FBN1: variants seen among roughly 807,000 people sequenced by gnomAD.
FBN1 encodes fibrillin-1.
A neutral mutation model predicts 365.1 loss-of-function variants in FBN1; 29 were observed. The observed-to-expected ratio is 0.08, with a 90% CI of 0.06 to 0.11. The LOEUF (loss-of-function observed/expected upper bound fraction) is 0.11, where lower values mean the gene tolerates loss of function less well. Among genes scored for constraint, FBN1 ranks in the 10% least tolerant of loss-of-function variants. FBN1 has a pLI of 1.00. For missense variants in FBN1, 2,476 were observed against 3,703.2 expected (o/e 0.67, Z 8.60); for synonymous variants, 1,210 against 1,270.5 (o/e 0.95, Z 1.01).
At position 48,488,405 on chromosome 15, in the gene FBN1, G is replaced by T; in HGVS notation, c.3171C>A (p.Ser1057Arg). The T allele has an allele frequency of 6.2e-7, 1 of 1,614,214 alleles. No individual in the cohort carries two copies. Among genetic ancestry groups the T allele is most frequent in the Non-Finnish European group, 8.5e-7 (1 of 1,180,044 alleles). Residue 1057 changes from serine (S) to arginine (R), a missense_variant, in exon 26 of 66, where the codon AGC becomes AGA. Physicochemically the swap from Ser to Arg is moderately radical, Grantham distance 110 (BLOSUM62 -1). Coordinates refer to ENST00000316623, the MANE Select transcript of FBN1 (RefSeq NM_000138.5). ...TIGSFKCRCD[S>R]GFALDSEERN... ...TTTCTTCAGAATCAAGAGCAAAGCC[G>T]CTGTCACACCTGCACTTAAAGCTGC...
chr15:48,603,291 G>T (rs1206275964), intron 4 of FBN1, among the ~76,000 whole-genome samples: 3 of 152,172 alleles, frequency 2.0e-5, no homozygotes, highest in Non-Finnish European at 2.9e-5. Context: ...AATCCTTGGG[G>T]GAAGCCAGGA....
intron 26 of FBN1, 63 bp downstream of exon 26, chr15:48,488,305 T>C (rs1321988804): frequency 1.2e-5 from 20 of 1,612,228 alleles, no homozygotes; most frequent in Non-Finnish European, 1.7e-5. Flanking sequence ...TGCGACAATA[T>C]GTTAAAGATA....
intron 6 of FBN1, among the ~76,000 whole-genome samples, chr15:48,580,629 T>C (rs565903036): frequency 1.3e-5 from 2 of 152,304 alleles, no homozygotes; most frequent in South Asian, 4.1e-4. Flanking sequence ...CCAGTGATGC[T>C]AGACTATGCC....
Position 48,445,517 on chromosome 15 carries a change from C to A in FBN1, c.5789-13G>T, listed in dbSNP as rs777593835. 2 of 1,610,894 alleles carry A rather than the reference C, an allele frequency of 1.2e-6. No homozygotes were observed. The highest frequency in any genetic ancestry group is 2.2e-5 in the South Asian group (2 of 91,020). On this transcript the variant is annotated splice_polypyrimidine_tract_variant and intron_variant, in intron 47 of 65. Coordinates refer to ENST00000316623, the MANE Select transcript of FBN1 (RefSeq NM_000138.5). ...CATTCATCAACATCTGCAGAAAAATCCCCAACAATCCTTTAATATATTCCA... is the reference window on the plus strand; with the variant it reads ...CATTCATCAACATCTGCAGAAAAATACCCAACAATCCTTTAATATATTCCA...
rs140630 is a variant in FBN1 at position 48,465,580 on chromosome 15, G to T, written c.4930C>A (p.Arg1644=). 3.1e-6 allele frequency: 5 copies of T among 1,614,062 alleles called. No individual in the cohort carries two copies. Among genetic ancestry groups the T allele is most frequent in the Non-Finnish European group, 4.2e-6 (5 of 1,179,956 alleles). The change falls in exon 40 of 66, where the codon CGA becomes AGA. Residue 1644 remains arginine (R), a synonymous_variant. Coordinates refer to ENST00000316623, the MANE Select transcript of FBN1 (RefSeq NM_000138.5). ...PTGYYLNEDT[R]VCDDVNECET... Reference sequence around the variant, plus strand: ...CAGGACCATTTACCATCACACACTCGTGTATCTTCATTCAGGTAGTAGCCG... The same window carrying T: ...CAGGACCATTTACCATCACACACTCTTGTATCTTCATTCAGGTAGTAGCCG...
intron 15 of FBN1, among the ~76,000 whole-genome samples, chr15:48,506,886 A>C (rs1435711085): frequency 6.6e-6 from 1 of 152,148 alleles, no homozygotes. Flanking sequence ...GCTAGAAAAA[A>C]ATAAGACATT....
At chr15:48,473,998 T>C (rs1440016463) in intron 34 of FBN1, among the ~76,000 whole-genome samples, 1 of 152,178 alleles carries the variant, frequency 6.6e-6, no homozygotes, top group East Asian at 1.9e-4. Context: ...CACAGATCAC[T>C]GTAAATGATG....
intron 6 of FBN1, among the ~76,000 whole-genome samples, chr15:48,577,169 G>A (rs1256172241): frequency 1.3e-5 from 2 of 152,048 alleles, no homozygotes. Context: ...GTCCAGCCAA[G>A]ATACAGAGAT....
At chr15:48,470,587 C>T (rs1486954472) in intron 36 of FBN1, 47 bp downstream of exon 36, 2 of 1,611,530 alleles carry the variant, frequency 1.2e-6, no homozygotes. Context: ...ATAGCTGGGT[C>T]CCCCGGGACA....
At chr15:48,622,865 C>G (rs554193062) in intron 2 of FBN1, among the ~76,000 whole-genome samples, 1 of 152,178 alleles carries the variant, frequency 6.6e-6, no homozygotes, top group Admixed American at 6.5e-5. Context: ...ATTTTTATAT[C>G]AGCTCTTCCA....
intron 44 of FBN1, among the ~76,000 whole-genome samples, chr15:48,453,898 T>C (rs971974505): frequency 1.3e-5 from 2 of 152,022 alleles, no homozygotes; most frequent in African/African-American, 2.4e-5. Flanking sequence ...CACTTAGTAA[T>C]ATTTATAAAT....
intron 63 of FBN1, among the ~76,000 whole-genome samples, chr15:48,420,221 C>A (rs1278491221): frequency 2.0e-5 from 3 of 152,008 alleles, no homozygotes; most frequent in Non-Finnish European, 2.9e-5. Flanking sequence ...ACAAAACACA[C>A]AAAAAAACAC....
intron 13 of FBN1, among the ~76,000 whole-genome samples, chr15:48,511,779 TC>T (rs1404740819): frequency 6.6e-6 from 1 of 152,206 alleles, no homozygotes; most frequent in African/African-American, 2.4e-5. Context: ...ATTCAGGTCA[TC>T]CTCAGTCTCC....
chr15:48,520,944 C>T, intron 9 of FBN1, 127 bp from the exon 10 acceptor site: 1 of 1,282,188 alleles, frequency 7.8e-7, no homozygotes, highest in Non-Finnish European at 1.1e-6. Flanking sequence ...ACCTCTGCCC[C>T]CCGGAAGGGA....
Position 48,495,111 on chromosome 15 carries a change from G to C in FBN1, c.2677+12C>G. On this transcript the variant is annotated intron_variant, in intron 22 of 65. Coordinates refer to ENST00000316623, the MANE Select transcript of FBN1 (RefSeq NM_000138.5). ...GGAGTGGTATAGGAACCACAGCATG[G>C]GTTTCTCTTACCAACTTGGCATAGG... 1 of 1,613,942 alleles carries C rather than the reference G, an allele frequency of 6.2e-7. No individual in the cohort carries two copies. Among genetic ancestry groups the C allele is most frequent in the South Asian group, 1.1e-5 (1 of 91,054 alleles).
At chr15:48,468,229 A>G in intron 37 of FBN1, 127 bp from the exon 38 acceptor site, 1 of 1,364,126 alleles carries the variant, frequency 7.3e-7, no homozygotes, top group South Asian at 1.2e-5. Context: ...AAAAGTGCCC[A>G]TGAACATTAT....
At chr15:48,432,011 C>A (rs1441464181) in intron 55 of FBN1, among the ~76,000 whole-genome samples, 2 of 152,114 alleles carry the variant, frequency 1.3e-5, no homozygotes, top group African/African-American at 4.8e-5. Context: ...TAGTAAATGA[C>A]TATTTTATAT....
At position 48,456,779 on chromosome 15, in the gene FBN1, CA is replaced by C. The variant is rs751769492; in HGVS notation, c.5297-18del. On this transcript the variant is annotated intron_variant, in intron 43 of 65. Transcript: ENST00000316623. Reference sequence around the variant, plus strand: ...CATCAATATCTAGAGACAGAGTAGTCATTCATGAGTGACAGGACAGCACATG... The same window carrying C: ...CATCAATATCTAGAGACAGAGTAGTCTTCATGAGTGACAGGACAGCACATG... 6.2e-7 allele frequency: 1 copy of C among 1,611,296 alleles called. No homozygotes were observed. The highest frequency in any genetic ancestry group is 8.5e-7 in the Non-Finnish European group (1 of 1,178,922).
Position 48,441,820 on chromosome 15 carries a change from C to T in FBN1, c.6064G>A (p.Glu2022Lys). ...EDIDECVEEPEICALGTCSNT... is the reference protein window; with the variant it reads ...EDIDECVEEPKICALGTCSNT... ...CTGCATGTGCCCAGGGCACAAATTT[C>T]TGGCTCTTCGACACACTCATCAATA... The change falls in exon 50 of 66, where the codon GAA (glutamate) becomes AAA (lysine). Residue 2022 changes from glutamate (E) to lysine (K), a missense_variant. Glu to Lys is a moderately conservative substitution (Grantham distance 56, BLOSUM62 1). This residue lies in a region of FBN1 where 1,780 missense variants were observed against 2,840.8 expected (regional missense o/e 0.63). Transcript: ENST00000316623. 5 of 1,613,626 alleles carry T rather than the reference C, an allele frequency of 3.1e-6. No individual in the cohort carries two copies.
Sources: gnomAD v4.1 joint callset for allele counts (sites outside exome capture counted in the v4.1 genomes callset) on GRCh38, gnomAD v4.1.1 for gene constraint, gnomAD v4.1.1 regional missense constraint, MANE v1.5 for transcripts, NCBI Gene and HGNC (gene_info 2026-07-23, HGNC 2026-07-21) for gene names.